The following ZFHX3 variants were observed in gnomAD, a reference collection of about 807,000 sequenced individuals.
ZFHX3 encodes the protein zinc finger homeobox 3.
Under a neutral mutation model 279.1 loss-of-function variants are expected in ZFHX3, and 42 were observed. That is an observed-to-expected ratio of 0.15 (90% CI 0.12 to 0.19). The LOEUF (loss-of-function observed/expected upper bound fraction) is 0.19. ZFHX3 is among the 10% of genes least tolerant of loss of function. The pLI, the probability that ZFHX3 is intolerant of heterozygous loss-of-function variation, is 1.00. For missense variants in ZFHX3, 4,981 were observed against 4,754.0 expected (o/e 1.05, Z -1.40); for synonymous variants, 2,293 against 1,957.8 (o/e 1.17, Z -4.52).
intron 3 of ZFHX3, among the ~76,000 whole-genome samples, chr16:72,938,078 C>G (rs1019485545): frequency 1.3e-5 from 2 of 152,360 alleles, no homozygotes; most frequent in East Asian, 1.9e-4. Context: ...GTGAAACCAC[C>G]TAGCACATGA....
At chr16:73,020,680 C>T (rs958914552) in intron 1 of ZFHX3, among the ~76,000 whole-genome samples, 2 of 152,152 alleles carry the variant, frequency 1.3e-5, no homozygotes, top group East Asian at 1.9e-4. Flanking sequence ...TTTGACTCAA[C>T]GATTCTTCAA....
intron 1 of ZFHX3, among the ~76,000 whole-genome samples, chr16:72,998,293 C>T (rs1210478924): frequency 4.6e-5 from 7 of 152,112 alleles, no homozygotes; most frequent in Admixed American, 4.6e-4. Flanking sequence ...CCCAGCTGCT[C>T]AGGAGGCTGA....
At chr16:73,199,286 A>AG (rs1968219996) in intron 5 of ZFHX3, among the ~76,000 whole-genome samples, 1 of 152,250 alleles carries the variant, frequency 6.6e-6, no homozygotes, top group East Asian at 1.9e-4. Flanking sequence ...ACCTGCTGAC[A>AG]GGTAGACACC....
Position 73,691,770 on chromosome 16 carries a change from G to A in ZFHX3, c.-1607-11530C>T, listed in dbSNP as rs1039446116. On this transcript the variant is annotated intron_variant, in intron 1 of 17. Transcript: ENST00000641206. ...AGAAAGCATCTTCTACAATATTTCA[G>A]CATGCTGTCTTTCAAGTTATATAAG... Among the ~76,000 whole-genome samples, 3 of 152,118 alleles carry A rather than the reference G, an allele frequency of 2.0e-5. No homozygotes were observed. In the East Asian group the frequency reaches 5.8e-4, roughly 29 times the overall value.
chr16:73,487,564 C>A lies in ZFHX3; in HGVS notation c.-1546-31306G>T, dbSNP rs143603268. The A allele has an allele frequency of 4.6e-3, 1,466 of 317,742 alleles. 2 individuals are homozygous for A. Among genetic ancestry groups the A allele is most frequent in the Middle Eastern group, 0.012 (10 of 858 alleles). The allele number at this position is 317,742 out of a possible 1,614,324, so 19.7% of individuals were successfully genotyped here. ...CACAGGCACATGCCACCATGCCCAGCTAATTTTTTATTTTTATTATTTTGT... is the reference window on the plus strand; with the variant it reads ...CACAGGCACATGCCACCATGCCCAGATAATTTTTTATTTTTATTATTTTGT... On this transcript the variant is annotated intron_variant, in intron 2 of 17. Transcript: ENST00000641206.
chr16:72,950,402 T>C, intron 3 of ZFHX3, 67 bp downstream of exon 3: 1 of 1,570,936 alleles, frequency 6.4e-7, no homozygotes, highest in South Asian at 1.2e-5. Flanking sequence ...CAGTGCTCCC[T>C]AACTCCCCGG....
rs1024465288 is a variant in ZFHX3 at position 73,110,219 on chromosome 16, A to G, written c.-896-16621T>C. Among the ~76,000 whole-genome samples, 3 of 152,048 alleles carry G rather than the reference A, an allele frequency of 2.0e-5. No homozygotes were observed. In the East Asian group the frequency reaches 5.8e-4, roughly 29 times the overall value. On this transcript the variant is annotated intron_variant, in intron 7 of 17. Transcript: ENST00000641206. ...ACTGTCTCAAAAAAAAAAAAAGAAG[A>G]GTTTCATTTGTTTTACTTTTAAATC...
chr16:73,236,431 C>A (rs149430929), intron 5 of ZFHX3, among the ~76,000 whole-genome samples: 90 of 152,268 alleles, frequency 5.9e-4, no homozygotes, highest in African/African-American at 1.9e-3. Flanking sequence ...AACCCCATCT[C>A]TACAAAGAAT....
At chr16:72,968,652 A>T (rs1311881588) in intron 1 of ZFHX3, among the ~76,000 whole-genome samples, 1 of 151,908 alleles carries the variant, frequency 6.6e-6, no homozygotes, top group African/African-American at 2.4e-5. Context: ...TAATAGAGAC[A>T]GGGTTTCACC....
chr16:73,571,658 C>G (rs72801444), intron 2 of ZFHX3, among the ~76,000 whole-genome samples: 1 of 151,878 alleles, frequency 6.6e-6, no homozygotes, highest in African/African-American at 2.4e-5. Flanking sequence ...AAAAAACCTT[C>G]AATAATAATT....
At position 73,426,768 on chromosome 16, in the gene ZFHX3, G is replaced by C. The variant is rs934030764; in HGVS notation, c.-1291+29235C>G. On this transcript the variant is annotated intron_variant, in intron 3 of 17. Coordinates refer to the ZFHX3 transcript ENST00000641206. ...ACAACATGTAAATGTGGGGAAAGCAGTCACTGCATACTCAAAAGATACACC... is the reference window on the plus strand; with the variant it reads ...ACAACATGTAAATGTGGGGAAAGCACTCACTGCATACTCAAAAGATACACC... Among the ~76,000 whole-genome samples, 3 of 152,284 alleles carry C rather than the reference G, an allele frequency of 2.0e-5. No homozygotes were observed. The East Asian group carries it at 5.8e-4, about 29-fold the overall frequency.
intron 5 of ZFHX3, among the ~76,000 whole-genome samples, chr16:73,163,913 C>T (rs551647028): frequency 1.2e-3 from 176 of 152,274 alleles, no homozygotes; most frequent in African/African-American, 3.9e-3. Context: ...CAAACACTTT[C>T]ACTCTCTTTC....
chr16:72,883,205 A>C (rs1394411260), intron 4 of ZFHX3, among the ~76,000 whole-genome samples: 1 of 152,194 alleles, frequency 6.6e-6, no homozygotes, highest in African/African-American at 2.4e-5. Flanking sequence ...AGGCAAATCA[A>C]GAACTCTGTT....
chr16:73,040,104 C>T (rs143419944), intron 1 of ZFHX3, among the ~76,000 whole-genome samples: 1 of 152,166 alleles, frequency 6.6e-6, no homozygotes, highest in South Asian at 2.1e-4. Flanking sequence ...CAGGCTCCCC[C>T]ACAAGCAAGA....
intron 2 of ZFHX3, among the ~76,000 whole-genome samples, chr16:73,496,964 G>A (rs2019152195): frequency 6.6e-6 from 1 of 152,132 alleles, no homozygotes; most frequent in African/African-American, 2.4e-5. Context: ...TGGTTTCTGG[G>A]CTCTGTCCCA....
At chr16:72,847,624 G>C (rs2037512160) in intron 4 of ZFHX3, among the ~76,000 whole-genome samples, 1 of 152,152 alleles carries the variant, frequency 6.6e-6, no homozygotes, top group African/African-American at 2.4e-5. Context: ...GGATAAAGAA[G>C]GGGAGGGGTG....
At chr16:73,657,291 T>C (rs2052731668) in intron 2 of ZFHX3, among the ~76,000 whole-genome samples, 1 of 152,120 alleles carries the variant, frequency 6.6e-6, no homozygotes, top group African/African-American at 2.4e-5. Flanking sequence ...ACCCTGTCTC[T>C]ACTAAAAATA....
At chr16:73,795,284 T>A (rs967002947) in intron 1 of ZFHX3, among the ~76,000 whole-genome samples, 1 of 152,196 alleles carries the variant, frequency 6.6e-6, no homozygotes, top group Non-Finnish European at 1.5e-5. Context: ...GGAAATTCCA[T>A]TGCTTGAATA....
intron 1 of ZFHX3, among the ~76,000 whole-genome samples, chr16:73,013,889 C>A (rs192899611): frequency 5.9e-5 from 9 of 152,128 alleles, no homozygotes; most frequent in Admixed American, 5.2e-4. Context: ...TGAATAACAA[C>A]CCCCGAAGAC....
Sources: gnomAD v4.1 joint callset for allele counts (sites outside exome capture counted in the v4.1 genomes callset) on GRCh38, gnomAD v4.1.1 for gene constraint, MANE v1.5 for transcripts, NCBI Gene and HGNC (gene_info 2026-07-23, HGNC 2026-07-21) for gene names.